The following TMPRSS15 variants were observed in gnomAD, a reference collection of about 807,000 sequenced individuals.
The protein encoded by TMPRSS15 is enteropeptidase.
Under a neutral mutation model 125.3 loss-of-function variants are expected in TMPRSS15, and 128 were observed. That is an observed-to-expected ratio of 1.02 (90% confidence interval 0.89 to 1.18). The LOEUF is 1.18. TMPRSS15 is among the 50% of genes most tolerant of loss of function. The pLI is 0.00. For missense variants in TMPRSS15, 1,283 were observed against 1,212.7 expected, an observed-to-expected ratio of 1.06 and a Z score of -0.86; for synonymous variants, 446 against 423.2, an observed-to-expected ratio of 1.05 and a Z score of -0.66.
intron 1 of TMPRSS15, among the ~76,000 whole-genome samples, chr21:18,440,040 T>C (rs772244804): frequency 4.6e-5 from 7 of 152,056 alleles, no homozygotes; most frequent in Admixed American, 2.6e-4. Context: ...TCAAGGAAAG[T>C]TGTAGACACA....
At chr21:18,408,134 G>A (rs563027504), upstream of TMPRSS15, among the ~76,000 whole-genome samples, 1 of 152,274 alleles carries the variant, frequency 6.6e-6, no homozygotes, top group East Asian at 1.9e-4. Context: ...AGTCTGATAA[G>A]CTCTTGATAA....
Position 18,384,066 on chromosome 21 carries a change from G to A in TMPRSS15, c.345-288C>T, listed in dbSNP as rs138965449. ...CAAGTACTCATCCCCAGGCCAGGAT[G>A]TTCCTGAGACCCTTGTGTTAAAATC... On this transcript the variant is annotated intron_variant, in intron 3 of 24. Transcript: ENST00000284885. Among the ~76,000 whole-genome samples, 119 of 152,260 alleles carry A rather than the reference G, an allele frequency of 7.8e-4. 1 individual carries two copies. The East Asian group carries it at 0.018, about 23-fold the overall frequency.
intron 1 of TMPRSS15, among the ~76,000 whole-genome samples, chr21:18,427,225 C>T (rs17002640): frequency 0.053 from 8,013 of 152,260 alleles, 397 homozygotes; most frequent in African/African-American, 0.12. Flanking sequence ...GTGTTAATTG[C>T]GTAGCCCAAA....
chr21:18,466,351 G>A (rs142843612), intron 1 of TMPRSS15, among the ~76,000 whole-genome samples: 240 of 152,132 alleles, frequency 1.6e-3, no homozygotes, highest in African/African-American at 5.0e-3. Context: ...CATAGGCATG[G>A]GCAAACACTT....
At chr21:18,396,189 A>G (rs1320131178) in intron 3 of TMPRSS15, among the ~76,000 whole-genome samples, 1 of 152,210 alleles carries the variant, frequency 6.6e-6, no homozygotes, top group Non-Finnish European at 1.5e-5. Flanking sequence ...TTCTGTAGAA[A>G]AAGAGAAGTT....
At chr21:18,349,902 C>T (rs2075547426) in intron 10 of TMPRSS15, among the ~76,000 whole-genome samples, 3 of 152,122 alleles carry the variant, frequency 2.0e-5, no homozygotes, top group Non-Finnish European at 4.4e-5. Context: ...TACTTATGCT[C>T]TTCAAATATC....
intron 1 of TMPRSS15, among the ~76,000 whole-genome samples, chr21:18,464,158 G>A (rs1978607604): frequency 7.6e-6 from 1 of 131,336 alleles, no homozygotes; most frequent in African/African-American, 3.0e-5. Context: ...GGGTGACAGA[G>A]TGAGACTCCG....
intron 3 of TMPRSS15, among the ~76,000 whole-genome samples, chr21:18,391,443 G>T (rs1048107683): frequency 6.6e-6 from 1 of 152,218 alleles, no homozygotes; most frequent in African/African-American, 2.4e-5. Context: ...CCAAAATCCA[G>T]CAGGGCAGTC....
chr21:18,339,594 A>G (rs1201137242), intron 13 of TMPRSS15, among the ~76,000 whole-genome samples: 3 of 152,286 alleles, frequency 2.0e-5, no homozygotes, highest in South Asian at 2.1e-4. Flanking sequence ...GTGGGATCAG[A>G]TCCATGCAGA....
At chr21:18,329,439 T>TA in intron 14 of TMPRSS15, 145 bp from the exon 15 acceptor site, 1 of 738,952 alleles carries the variant, frequency 1.4e-6, no homozygotes, top group Non-Finnish European at 2.0e-6. Context: ...GGTGTTTCTT[T>TA]TTTCTTTTCA....
chr21:18,483,353 A>G (rs559398693), intron 1 of TMPRSS15, among the ~76,000 whole-genome samples: 131 of 151,732 alleles, frequency 8.6e-4, no homozygotes, highest in Non-Finnish European at 1.6e-3. Context: ...CTATTTCTCA[A>G]CTGAAATAGA....
chr21:18,272,217 G>C (rs541304779), intron 24 of TMPRSS15, among the ~76,000 whole-genome samples: 10 of 152,158 alleles, frequency 6.6e-5, no homozygotes, highest in Admixed American at 6.5e-4. Flanking sequence ...TCACAACCTT[G>C]CCAGCATCTA....
intron 6 of TMPRSS15, among the ~76,000 whole-genome samples, chr21:18,367,834 A>G (rs764078615): frequency 1.3e-5 from 2 of 152,182 alleles, no homozygotes; most frequent in Non-Finnish European, 2.9e-5. Flanking sequence ...AAGGCCTCCT[A>G]GCTTACAAGC....
chr21:18,443,763 C>T (rs1395588244), intron 1 of TMPRSS15, among the ~76,000 whole-genome samples: 1 of 152,226 alleles, frequency 6.6e-6, no homozygotes, highest in Non-Finnish European at 1.5e-5. Flanking sequence ...CCAGGAAACA[C>T]CTGAATGGCA....
In TMPRSS15 at chr21:18,341,567, T is replaced by C; in HGVS notation, c.1429-19A>G. The C allele has an allele frequency of 1.2e-6, 2 of 1,613,738 alleles. No homozygotes were observed. The highest frequency in any genetic ancestry group is 1.7e-6 in the Non-Finnish European group (2 of 1,179,698). ...AAGCAACCTGCAATTCAGAGAGGCA[T>C]ATGAAACGATTTGATTCCATTCTAA... On this transcript the variant is annotated intron_variant, in intron 12 of 24. Transcript: ENST00000284885.
chr21:18,345,740 CAAAAAA>C (rs1235619873), intron 10 of TMPRSS15, among the ~76,000 whole-genome samples: 3 of 15,556 alleles, frequency 1.9e-4, no homozygotes, highest in Non-Finnish European at 2.8e-4. Context: ...GACTCCGTCT[CAAAAAA>C]AAAAAAAAAA....
At chr21:18,419,127 C>T (rs1268724811) in intron 1 of TMPRSS15, among the ~76,000 whole-genome samples, 3 of 152,008 alleles carry the variant, frequency 2.0e-5, no homozygotes, top group African/African-American at 7.2e-5. Flanking sequence ...CAGTCTTACT[C>T]ATTGTTGTCA....
At chr21:18,452,646 G>A (rs779681122) in intron 1 of TMPRSS15, among the ~76,000 whole-genome samples, 28 of 152,230 alleles carry the variant, frequency 1.8e-4, no homozygotes, top group Non-Finnish European at 3.2e-4. Flanking sequence ...ACTCCAGCCT[G>A]TCTCAAGAAA....
At chr21:18,297,031 G>A (rs1030323720) in intron 19 of TMPRSS15, among the ~76,000 whole-genome samples, 2 of 152,106 alleles carry the variant, frequency 1.3e-5, no homozygotes, top group African/African-American at 4.8e-5. Flanking sequence ...GCTTCTTGCA[G>A]TTACATTCTT....
Sources: allele counts gnomAD v4.1 joint callset (sites outside exome capture counted in the v4.1 genomes callset), GRCh38; gene constraint gnomAD v4.1.1; transcripts MANE v1.5; gene names NCBI Gene and HGNC (gene_info 2026-07-23, HGNC 2026-07-21).